The following ATP8A2 variants were observed in gnomAD, a reference collection of about 807,000 sequenced individuals.
ATP8A2 encodes the protein ATPase phospholipid transporting 8A2.
ATP8A2 carries 100 observed loss-of-function variants against 165.6 expected under a neutral mutation model. The ratio of observed to expected loss-of-function variants is 0.60; its 90% CI spans 0.51 to 0.71. The LOEUF is 0.71. ATP8A2 is among the 30% of genes least tolerant of loss of function. The pLI, the probability that ATP8A2 is intolerant of heterozygous loss-of-function variation, is 0.00. For synonymous variants in ATP8A2, 543 were observed against 548.8 expected (o/e 0.99, Z 0.15); for missense variants, 1,227 against 1,479.5 (o/e 0.83, Z 2.80).
intron 24 of ATP8A2, among the ~76,000 whole-genome samples, chr13:25,672,790 A>T (rs929738196): frequency 1.3e-5 from 2 of 152,118 alleles, no homozygotes; most frequent in African/African-American, 2.4e-5. Flanking sequence ...TAGTCAATCT[A>T]ATTTCCCTTG....
intron 20 of ATP8A2, 44 bp from the exon 21 acceptor site, chr13:25,578,771 T>G (rs748932597): frequency 8.8e-7 from 1 of 1,136,816 alleles, no homozygotes. Context: ...GGCTGGAAGG[T>G]TTACTGAAGG....
At chr13:25,788,686 C>A (rs1403738930) in intron 27 of ATP8A2, among the ~76,000 whole-genome samples, 2 of 152,194 alleles carry the variant, frequency 1.3e-5, no homozygotes, top group Non-Finnish European at 2.9e-5. Context: ...TTATATATTG[C>A]AACTATATAT....
At chr13:25,988,814 T>C (rs187554040) in intron 35 of ATP8A2, among the ~76,000 whole-genome samples, 1,768 of 152,342 alleles carry the variant, frequency 0.012, 22 homozygotes, top group Non-Finnish European at 0.013. Context: ...TCACCCACCG[T>C]CTGAAGTCCA....
At chr13:25,869,711 G>A (rs969292677) in intron 33 of ATP8A2, among the ~76,000 whole-genome samples, 15 of 152,342 alleles carry the variant, frequency 9.8e-5, no homozygotes, top group African/African-American at 3.6e-4. Context: ...GGCAGGGCGT[G>A]TGAGAGGGGA....
chr13:25,981,946 C>T (rs1465142840), intron 35 of ATP8A2, among the ~76,000 whole-genome samples: 1 of 152,088 alleles, frequency 6.6e-6, no homozygotes, highest in East Asian at 1.9e-4. Context: ...TACATGTGCT[C>T]ACTGAATTTA....
chr13:25,919,523 C>T (rs969733917), intron 33 of ATP8A2, among the ~76,000 whole-genome samples: 18 of 152,148 alleles, frequency 1.2e-4, no homozygotes, highest in Non-Finnish European at 1.5e-4. Context: ...AGGTGGGCTG[C>T]GGGAGCCTCA....
intron 1 of ATP8A2, among the ~76,000 whole-genome samples, chr13:25,378,802 A>G (rs1168594137): frequency 6.6e-6 from 1 of 152,194 alleles, no homozygotes; most frequent in Non-Finnish European, 1.5e-5. Flanking sequence ...ATACTGCGCC[A>G]CTGATGGCAG....
intron 2 of ATP8A2, among the ~76,000 whole-genome samples, chr13:25,490,198 C>T (rs2036480184): frequency 1.3e-5 from 2 of 152,352 alleles, no homozygotes; most frequent in Non-Finnish European, 2.9e-5. Flanking sequence ...CTCTCTGGCT[C>T]ATGCCCTTAG....
At position 25,604,428 on chromosome 13, in the gene ATP8A2, A is replaced by C. The variant is rs145938735; in HGVS notation, c.2211+14729A>C. The stretch of plus-strand genomic sequence containing the variant: ...ACTGGAGAAAACAAAAGAAGTTTAC[A>C]GTGAGTTTTGCTGAAACTTCTTGTA... On this transcript the variant is annotated intron_variant, in intron 24 of 36. Coordinates refer to ENST00000381655, the MANE Select transcript of ATP8A2 (RefSeq NM_016529.6). Among the ~76,000 whole-genome samples, 337 of 152,340 alleles carry C rather than the reference A, an allele frequency of 2.2e-3. 1 individual carries two copies. The highest frequency in any genetic ancestry group is 7.3e-3 in the African/African-American group (302 of 41,574).
chr13:25,459,703 G>T (rs1379550958), intron 1 of ATP8A2, among the ~76,000 whole-genome samples: 1 of 152,178 alleles, frequency 6.6e-6, no homozygotes, highest in Admixed American at 6.5e-5. Context: ...AAAGACTAGG[G>T]AATGACATTC....
At chr13:25,699,853 TC>T (rs1377312832) in intron 25 of ATP8A2, among the ~76,000 whole-genome samples, 1 of 152,108 alleles carries the variant, frequency 6.6e-6, no homozygotes, top group Non-Finnish European at 1.5e-5. Context: ...TTTTTTTTTT[TC>T]AGTTGGCAGT....
At chr13:25,917,812 T>A (rs1954313048) in intron 33 of ATP8A2, among the ~76,000 whole-genome samples, 1 of 152,252 alleles carries the variant, frequency 6.6e-6, no homozygotes, top group Non-Finnish European at 1.5e-5. Flanking sequence ...GTATTTGTTT[T>A]TTCCCAGCAA....
intron 24 of ATP8A2, among the ~76,000 whole-genome samples, chr13:25,601,311 T>C (rs982537612): frequency 3.9e-5 from 6 of 152,258 alleles, no homozygotes; most frequent in Admixed American, 3.9e-4. Context: ...TGGTAAGCGA[T>C]CTACACATGT....
chr13:25,601,488 T>G (rs1163203006), intron 24 of ATP8A2, among the ~76,000 whole-genome samples: 5 of 152,220 alleles, frequency 3.3e-5, no homozygotes, highest in Non-Finnish European at 5.9e-5. Context: ...TTTGTGTTGT[T>G]TTTTGAGACG....
chr13:25,665,105 G>A (rs1276588125), intron 24 of ATP8A2, among the ~76,000 whole-genome samples: 1 of 152,174 alleles, frequency 6.6e-6, no homozygotes. Context: ...AGCAACGAAG[G>A]CAGAGTCCCC....
At chr13:25,693,060 C>T (rs1395870577) in intron 24 of ATP8A2, among the ~76,000 whole-genome samples, 1 of 152,110 alleles carries the variant, frequency 6.6e-6, no homozygotes, top group Non-Finnish European at 1.5e-5. Context: ...CAGCTAAGTC[C>T]ATTGTAACTT....
intron 27 of ATP8A2, among the ~76,000 whole-genome samples, chr13:25,787,730 G>A (rs2045066612): frequency 6.6e-6 from 1 of 152,212 alleles, no homozygotes; most frequent in Admixed American, 6.5e-5. Flanking sequence ...TCTGCCTCAG[G>A]GCCTCTCCGG....
chr13:25,524,030 G>C (rs1326370942), intron 2 of ATP8A2, among the ~76,000 whole-genome samples: 1 of 151,952 alleles, frequency 6.6e-6, no homozygotes, highest in Non-Finnish European at 1.5e-5. Context: ...TGCTTTTGCT[G>C]TATCCCATAG....
At chr13:25,730,074 G>A (rs541137239) in intron 25 of ATP8A2, among the ~76,000 whole-genome samples, 12,875 of 152,132 alleles carry the variant, frequency 0.085, 1,432 homozygotes, top group East Asian at 0.24. Context: ...CAGATTGCTT[G>A]AACCCAGGAG....
Sources: allele counts gnomAD v4.1 joint callset (sites outside exome capture counted in the v4.1 genomes callset), GRCh38; gene constraint gnomAD v4.1.1; transcripts MANE v1.5; gene names NCBI Gene and HGNC (gene_info 2026-07-23, HGNC 2026-07-21).